NOX3: variants seen among roughly 807,000 people sequenced by gnomAD.
NOX3 encodes the protein NADPH oxidase 3.
Under a neutral mutation model 76.7 loss-of-function variants are expected in NOX3, and 74 were observed. The observed-to-expected ratio is 0.96, with a 90% CI of 0.80 to 1.17. The LOEUF (loss-of-function observed/expected upper bound fraction) is 1.17. NOX3 is among the 50% of genes most tolerant of loss of function. NOX3 has a pLI of 0.00. For missense variants in NOX3, 695 were observed against 703.3 expected (o/e 0.99, Z 0.13); for synonymous variants, 263 against 261.1 (o/e 1.01, Z -0.07).
intron 1 of NOX3, 111 bp from the exon 2 acceptor site, chr6:155,455,240 A>G: frequency 1.5e-6 from 1 of 660,608 alleles, no homozygotes; most frequent in East Asian, 2.7e-5. Context: ...CTCAATATTA[A>G]TCAGAATTAC....
At chr6:155,428,578 CT>C (rs1277611417) in intron 9 of NOX3, among the ~76,000 whole-genome samples, 1 of 127,082 alleles carries the variant, frequency 7.9e-6, no homozygotes, top group African/African-American at 2.9e-5. Flanking sequence ...GAACATTAGT[CT>C]TTTTTTCTTT....
chr6:155,435,208 C>T (rs1355553206), intron 7 of NOX3, among the ~76,000 whole-genome samples: 1 of 152,008 alleles, frequency 6.6e-6, no homozygotes, highest in Non-Finnish European at 1.5e-5. Flanking sequence ...TGAGCAAGGC[C>T]CCCTCTTAAT....
rs773343080 is a variant in NOX3, at chr6:155,440,147, AC to A, written c.487-11del. On this transcript the variant is annotated splice_polypyrimidine_tract_variant and intron_variant, in intron 5 of 13. Coordinates refer to ENST00000159060, the MANE Select transcript of NOX3 (RefSeq NM_015718.3). ...ATTCAGTGGTTGTGTTCTAAAAAAA[AC>A]AACAACAACAAAAAAAGAAACAAAC... The A allele has an allele frequency of 8.4e-5, 130 of 1,543,508 alleles. No individual in the cohort carries two copies. The highest frequency in any genetic ancestry group is 1.1e-4 in the Non-Finnish European group (121 of 1,148,390).
chr6:155,444,685 C>T (rs1019229352), intron 4 of NOX3, among the ~76,000 whole-genome samples: 10 of 152,162 alleles, frequency 6.6e-5, no homozygotes, highest in African/African-American at 2.4e-4. Flanking sequence ...AGCCACAATG[C>T]ATGATAAGTG....
At chr6:155,447,627 T>A (rs1377310783) in intron 4 of NOX3, among the ~76,000 whole-genome samples, 1 of 152,228 alleles carries the variant, frequency 6.6e-6, no homozygotes, top group East Asian at 1.9e-4. Context: ...ACTTTAAAGT[T>A]CATGTCTTAC....
intron 9 of NOX3, among the ~76,000 whole-genome samples, chr6:155,424,359 A>T (rs1210941761): frequency 1.3e-5 from 2 of 152,230 alleles, no homozygotes; most frequent in Non-Finnish European, 2.9e-5. Context: ...GTTCAATAAC[A>T]ATTGGTTGAA....
chr6:155,426,525 T>C (rs1776756712), intron 9 of NOX3, among the ~76,000 whole-genome samples: 1 of 152,120 alleles, frequency 6.6e-6, no homozygotes, highest in Admixed American at 6.5e-5. Flanking sequence ...AAGGCCTCAC[T>C]AGAAGGGGAC....
rs1451808214 is a variant in NOX3, at chr6:155,418,216, C to T, written c.1308+4478G>A. ...ATTTTGACAGTTTGCACAAGCAAACCGTCCTAATTTTTTTTCAAGAGCTCT... is the reference window on the plus strand; with the variant it reads ...ATTTTGACAGTTTGCACAAGCAAACTGTCCTAATTTTTTTTCAAGAGCTCT... On this transcript the variant is annotated intron_variant, in intron 10 of 13. Coordinates refer to ENST00000159060, the MANE Select transcript of NOX3 (RefSeq NM_015718.3). Among the ~76,000 whole-genome samples, 4 of 152,134 alleles carry T rather than the reference C, an allele frequency of 2.6e-5. No individual in the cohort carries two copies. In the South Asian group the frequency reaches 6.2e-4, roughly 24 times the overall value.
chr6:155,421,706 T>A lies in NOX3; in HGVS notation c.1308+988A>T, dbSNP rs959134844. Among the ~76,000 whole-genome samples the A allele has an allele frequency of 5.3e-5, 8 of 152,086 alleles. No individual in the cohort carries two copies. The East Asian group carries it at 1.3e-3, about 26-fold the overall frequency. ...TGTCTCTCTATGCGGCCCGGGCTGG[T>A]CTAGCGTCAAACTCCTGGCCTCAAG... On this transcript the variant is annotated intron_variant, in intron 10 of 13. Transcript: ENST00000159060.
chr6:155,399,483 G>A (rs1420237986), intron 12 of NOX3, among the ~76,000 whole-genome samples: 1 of 152,144 alleles, frequency 6.6e-6, no homozygotes, highest in Non-Finnish European at 1.5e-5. Context: ...CCGCCGTGGT[G>A]ATGCAATCAC....
At chr6:155,396,064 G>C (rs1000711738) in intron 13 of NOX3, among the ~76,000 whole-genome samples, 2 of 152,124 alleles carry the variant, frequency 1.3e-5, no homozygotes, top group East Asian at 3.9e-4. Flanking sequence ...CATTTTAAAA[G>C]GATGTGAAGA....
Position 155,440,005 on chromosome 6 carries a change from G to T in NOX3, c.619C>A (p.His207Asn). 6.2e-7 allele frequency: 1 copy of T among 1,614,018 alleles called. No individual in the cohort carries two copies. Among genetic ancestry groups the T allele is most frequent in the Non-Finnish European group, 8.5e-7 (1 of 1,179,960 alleles). Reference sequence around the variant, plus strand: ...AGAAAGAAGACGATGAAAACATGGTGTGTGTACCAGAACAACTCATAGGAG... The same window carrying T: ...AGAAAGAAGACGATGAAAACATGGTTTGTGTACCAGAACAACTCATAGGAG... ...QASYELFWYT[H>N]HVFIVFFLSL... The change falls in exon 6 of 14, where the codon CAC (histidine) becomes AAC (asparagine). Residue 207 changes from histidine to asparagine, a missense_variant. His to Asn is a moderately conservative substitution (Grantham distance 68). Transcript: ENST00000159060.
chr6:155,410,941 G>T (rs1469650087), intron 11 of NOX3, among the ~76,000 whole-genome samples: 2 of 152,184 alleles, frequency 1.3e-5, no homozygotes, highest in South Asian at 2.1e-4. Flanking sequence ...ATGCAAATTT[G>T]TTTGGGATTT....
intron 10 of NOX3, among the ~76,000 whole-genome samples, chr6:155,418,264 A>G (rs1235806014): frequency 6.6e-6 from 1 of 152,194 alleles, no homozygotes; most frequent in African/African-American, 2.4e-5. Flanking sequence ...AGTGTGATGT[A>G]GAATTAATCA....
chr6:155,417,516 G>A lies in NOX3; in HGVS notation c.1308+5178C>T, dbSNP rs1776636478. 1.3e-5 allele frequency among the ~76,000 whole-genome samples: 2 copies of A among 152,168 alleles called. 1 individual carries two copies. Among genetic ancestry groups the A allele is most frequent in the South Asian group, 4.1e-4 (2 of 4,822 alleles). On this transcript the variant is annotated intron_variant, in intron 10 of 13. Coordinates refer to ENST00000159060, the MANE Select transcript of NOX3 (RefSeq NM_015718.3). ...CAGAGCAATGGTGAGGGCTGATGGGGTACTGAGGCCTTTTGAGGCCCTCCG... is the reference window on the plus strand; with the variant it reads ...CAGAGCAATGGTGAGGGCTGATGGGATACTGAGGCCTTTTGAGGCCCTCCG...
intron 10 of NOX3, among the ~76,000 whole-genome samples, chr6:155,414,300 G>A (rs545049697): frequency 2.6e-5 from 4 of 152,204 alleles, no homozygotes; most frequent in South Asian, 2.1e-4. Flanking sequence ...TCTGCATTTC[G>A]CCCATGAGAA....
At chr6:155,407,045 A>T in intron 12 of NOX3, 85 bp downstream of exon 12, 2 of 1,403,768 alleles carry the variant, frequency 1.4e-6, no homozygotes, top group Non-Finnish European at 2.0e-6. Flanking sequence ...GATATACGGT[A>T]CTGCAGATTA....
At chr6:155,422,536 T>C (rs748893522) in intron 10 of NOX3, among the ~76,000 whole-genome samples, 158 bp downstream of exon 10, 3 of 152,226 alleles carry the variant, frequency 2.0e-5, no homozygotes, top group African/African-American at 7.2e-5. Context: ...ATAAATGTAA[T>C]ACTGAGTGGA....
chr6:155,446,192 A>T (rs1777063515), intron 4 of NOX3, among the ~76,000 whole-genome samples: 1 of 151,858 alleles, frequency 6.6e-6, no homozygotes, highest in Non-Finnish European at 1.5e-5. Flanking sequence ...CTTTGTCAAA[A>T]TATACAGCCA....
Sources: allele counts gnomAD v4.1 joint callset (sites outside exome capture counted in the v4.1 genomes callset), GRCh38; gene constraint gnomAD v4.1.1; transcripts MANE v1.5; gene names NCBI Gene and HGNC (gene_info 2026-07-23, HGNC 2026-07-21).